Variants in CTTNBP2 observed in about 807,000 individuals in gnomAD.
The protein encoded by CTTNBP2 is cortactin-binding protein 2.
A neutral mutation model predicts 156.9 loss-of-function variants in CTTNBP2; 108 were observed. The observed-to-expected ratio is 0.69, with a 90% CI of 0.59 to 0.81. The LOEUF (loss-of-function observed/expected upper bound fraction) is 0.81. CTTNBP2 is among the 30% of genes least tolerant of loss of function. The pLI is 0.00. For synonymous variants in CTTNBP2, 767 were observed against 751.8 expected, an observed-to-expected ratio of 1.02 and a Z score of -0.33; for missense variants, 1,924 against 2,035.4, an observed-to-expected ratio of 0.95 and a Z score of 1.05.
chr7:117,721,472 C>T (rs573484414), intron 19 of CTTNBP2, among the ~76,000 whole-genome samples: 2 of 152,322 alleles, frequency 1.3e-5, no homozygotes, highest in African/African-American at 4.8e-5. Context: ...CCCTTGTTCT[C>T]AAAGGACCAA....
Position 117,861,153 on chromosome 7 carries a change from C to A in CTTNBP2, c.189+56G>T, listed in dbSNP as rs138074675. On this transcript the variant is annotated intron_variant, in intron 2 of 22. Coordinates refer to ENST00000160373, the MANE Select transcript of CTTNBP2 (RefSeq NM_033427.3). Reference sequence around the variant, plus strand: ...TAAGAAAAAGAAGGTTTGCCAATGGCTCTTTGAAAAAAGCAAATGATCCAG... The same window carrying A: ...TAAGAAAAAGAAGGTTTGCCAATGGATCTTTGAAAAAAGCAAATGATCCAG... The A allele has an allele frequency of 8.4e-4, 884 of 1,047,830 alleles. 6 individuals carry two copies. In the African/African-American group the frequency reaches 0.012, roughly 14 times the overall value. 64.9% of individuals were successfully genotyped at this position (1,047,830 alleles called of 1,614,324 possible). A position where few individuals can be genotyped will look rare whatever the true frequency, so the allele number is the denominator to read the frequency against.
chr7:117,809,303 A>G (rs1272408416), intron 3 of CTTNBP2, among the ~76,000 whole-genome samples: 2 of 152,238 alleles, frequency 1.3e-5, no homozygotes, highest in African/African-American at 4.8e-5. Context: ...AAATTTTAGG[A>G]AAGTGTTTTT....
chr7:117,804,583 T>C (rs1197647191), intron 3 of CTTNBP2, among the ~76,000 whole-genome samples: 2 of 152,190 alleles, frequency 1.3e-5, no homozygotes. Flanking sequence ...TGGGATACTA[T>C]AAAGCTGTAC....
chr7:117,774,640 G>GA (rs1797998148), intron 8 of CTTNBP2, among the ~76,000 whole-genome samples: 1 of 135,174 alleles, frequency 7.4e-6, no homozygotes. Flanking sequence ...CCCAACCATG[G>GA]AAAAATTGTC....
At chr7:117,772,077 G>A (rs542859266) in intron 8 of CTTNBP2, among the ~76,000 whole-genome samples, 10 of 152,304 alleles carry the variant, frequency 6.6e-5, no homozygotes, top group South Asian at 4.1e-4. Context: ...GGACTTGACC[G>A]TCATGATAGG....
intron 19 of CTTNBP2, among the ~76,000 whole-genome samples, chr7:117,721,981 G>GA (rs1272007642): frequency 6.6e-6 from 1 of 152,174 alleles, no homozygotes; most frequent in Non-Finnish European, 1.5e-5. Flanking sequence ...TTTCTCTAAA[G>GA]AATGTTTTGG....
chr7:117,711,784 T>C lies in CTTNBP2; in HGVS notation c.4747-2A>G. The C allele has an allele frequency of 6.2e-7, 1 of 1,605,620 alleles. No individual in the cohort carries two copies. The highest frequency in any genetic ancestry group is 8.5e-7 in the Non-Finnish European group (1 of 1,174,838). ...ATGGCTGCTGAGAGGACTGACCTCC[T>C]GTAAGAGACAAGAAACCACACAAGT... On this transcript the variant is annotated splice_acceptor_variant, in intron 22 of 22. Transcript: ENST00000160373. LOFTEE classifies it high-confidence loss of function.
At chr7:117,815,132 G>T (rs1419082537) in intron 2 of CTTNBP2, among the ~76,000 whole-genome samples, 1 of 152,122 alleles carries the variant, frequency 6.6e-6, no homozygotes, top group Non-Finnish European at 1.5e-5. Flanking sequence ...TATTCAAAAT[G>T]TACTTTTGAT....
At chr7:117,836,367 A>T (rs1801934462) in intron 2 of CTTNBP2, among the ~76,000 whole-genome samples, 1 of 152,204 alleles carries the variant, frequency 6.6e-6, no homozygotes. Flanking sequence ...GATCCAGAGC[A>T]TCCTGGCTAA....
chr7:117,714,198 G>T (rs1357772588), intron 22 of CTTNBP2: 2 of 152,176 alleles, frequency 1.3e-5, no homozygotes, highest in African/African-American at 2.4e-5. Context: ...TTACCAGAAA[G>T]AAAATGAGAA....
chr7:117,735,182 A>G (rs1184880127), intron 15 of CTTNBP2, 82 bp from the exon 16 acceptor site: 11 of 1,588,140 alleles, frequency 6.9e-6, no homozygotes, highest in Non-Finnish European at 9.4e-6. Context: ...CGTAAAGAAC[A>G]TGAAGTATAA....
intron 7 of CTTNBP2, among the ~76,000 whole-genome samples, chr7:117,779,161 C>A (rs1328947674): frequency 6.6e-6 from 1 of 152,114 alleles, no homozygotes; most frequent in African/African-American, 2.4e-5. Flanking sequence ...TCCATTCAGG[C>A]GTGTTCTTCA....
intron 7 of CTTNBP2, among the ~76,000 whole-genome samples, chr7:117,779,863 C>T (rs562576167): frequency 3.9e-5 from 6 of 152,158 alleles, no homozygotes; most frequent in East Asian, 1.9e-4. Context: ...CAGGTTCAAG[C>T]GATTCTCCTG....
In CTTNBP2 at chr7:117,873,409, T is replaced by A; in HGVS notation, c.7A>T (p.Thr3Ser). The A allele has an allele frequency of 6.7e-7, 1 of 1,497,400 alleles. No individual in the cohort carries two copies. Among genetic ancestry groups the A allele is most frequent in the Middle Eastern group, 1.8e-4 (1 of 5,458 alleles). 92.8% of individuals were successfully genotyped at this position (1,497,400 alleles called of 1,614,324 possible). ...TCGGGCTCGCAGCTCGCGCCGTCCG[T>A]CGCCATCTTCCTGCTCTAGCGGATC... is the stretch of plus-strand genomic sequence containing the variant. The part of the protein sequence containing the change: MA[T>S]DGASCEPDLS... Residue 3 changes from threonine to serine, a missense_variant, in exon 1 of 23, where the codon ACG becomes TCG. Coordinates refer to ENST00000160373, the MANE Select transcript of CTTNBP2 (RefSeq NM_033427.3).
chr7:117,827,082 C>G lies in CTTNBP2; in HGVS notation c.190-16093G>C, dbSNP rs377322817. ...CCATGTTGGGCAGGCTGGTCTCAAA[C>G]TCCTGGCCTTAATTGATCTGCCTGC... On this transcript the variant is annotated intron_variant, in intron 2 of 22. Transcript: ENST00000160373. Among the ~76,000 whole-genome samples the G allele has an allele frequency of 2.6e-5, 4 of 152,100 alleles. No homozygotes were observed. The East Asian group carries it at 7.7e-4, about 29-fold the overall frequency.
chr7:117,867,852 T>C (rs1804311172), intron 1 of CTTNBP2, among the ~76,000 whole-genome samples: 1 of 152,204 alleles, frequency 6.6e-6, no homozygotes, highest in Non-Finnish European at 1.5e-5. Context: ...TCTGGGGTCT[T>C]TGATGCAAGA....
chr7:117,768,976 T>C (rs1797665740), intron 8 of CTTNBP2, among the ~76,000 whole-genome samples: 1 of 152,220 alleles, frequency 6.6e-6, no homozygotes, highest in Admixed American at 6.5e-5. Context: ...CATTCTCTTG[T>C]TGATGAACAT....
intron 2 of CTTNBP2, among the ~76,000 whole-genome samples, chr7:117,859,779 C>T (rs1275974742): frequency 6.6e-6 from 1 of 152,222 alleles, no homozygotes; most frequent in Non-Finnish European, 1.5e-5. Flanking sequence ...AAGGCAACAC[C>T]TTCAACTCAG....
At chr7:117,866,743 CAG>C (rs1170942402) in intron 1 of CTTNBP2, among the ~76,000 whole-genome samples, 7 of 152,300 alleles carry the variant, frequency 4.6e-5, no homozygotes, top group African/African-American at 1.7e-4. Context: ...CATGTACCAT[CAG>C]GGTAACTGGA....
Sources: gnomAD v4.1 joint callset for allele counts (sites outside exome capture counted in the v4.1 genomes callset) on GRCh38, gnomAD v4.1.1 for gene constraint, MANE v1.5 for transcripts, NCBI Gene and HGNC (gene_info 2026-07-23, HGNC 2026-07-21) for gene names.